Variants in UNC5C observed in about 807,000 individuals in gnomAD.
UNC5C encodes netrin receptor UNC5C.
Under a neutral mutation model 99.8 loss-of-function variants are expected in UNC5C, and 47 were observed. The ratio of observed to expected loss-of-function variants is 0.47; its 90% CI spans 0.37 to 0.60. The LOEUF (loss-of-function observed/expected upper bound fraction) is 0.60, where lower values mean the gene tolerates loss of function less well. Among genes scored for constraint, UNC5C ranks in the 20% least tolerant of loss-of-function variants. The pLI is 0.00. For synonymous variants in UNC5C, 487 were observed against 452.2 expected (o/e 1.08, Z -0.98); for missense variants, 1,062 against 1,165.9 (o/e 0.91, Z 1.30).
chr4:95,186,275 G>A (rs376581228), intron 12 of UNC5C, among the ~76,000 whole-genome samples: 2 of 152,220 alleles, frequency 1.3e-5, no homozygotes, highest in South Asian at 2.1e-4. Flanking sequence ...TTTCTTTGGT[G>A]CTATTTCAAT....
At chr4:95,378,394 C>T (rs1396841215) in intron 1 of UNC5C, among the ~76,000 whole-genome samples, 9 of 112,964 alleles carry the variant, frequency 8.0e-5, no homozygotes, top group African/African-American at 3.1e-4. Flanking sequence ...AGAAAGCCTA[C>T]GTAACTATCA....
intron 1 of UNC5C, among the ~76,000 whole-genome samples, chr4:95,538,478 T>C (rs1014013972): frequency 2.0e-5 from 3 of 152,208 alleles, no homozygotes; most frequent in African/African-American, 7.2e-5. Flanking sequence ...AAACTTGCAT[T>C]CAGCATTAAA....
intron 12 of UNC5C, among the ~76,000 whole-genome samples, chr4:95,189,882 C>T (rs1440424901): frequency 1.3e-5 from 2 of 152,202 alleles, no homozygotes; most frequent in Admixed American, 6.5e-5. Context: ...AACACTTTTA[C>T]ACTGTTGGTG....
At chr4:95,388,145 A>G (rs932492624) in intron 1 of UNC5C, among the ~76,000 whole-genome samples, 1 of 152,236 alleles carries the variant, frequency 6.6e-6, no homozygotes, top group Admixed American at 6.5e-5. Flanking sequence ...AGGATGATGT[A>G]AATTAAAAAA....
At chr4:95,184,976 T>G in intron 13 of UNC5C, 71 bp downstream of exon 13, 2 of 1,418,348 alleles carry the variant, frequency 1.4e-6, no homozygotes, top group Non-Finnish European at 1.9e-6. Context: ...GGGGATTTCC[T>G]ATGTCTATAT....
At chr4:95,176,950 C>T (rs1437609767) in intron 14 of UNC5C, among the ~76,000 whole-genome samples, 4 of 152,216 alleles carry the variant, frequency 2.6e-5, no homozygotes, top group East Asian at 1.9e-4. Context: ...CCTGGTGTGC[C>T]GTTTTTTAAG....
intron 1 of UNC5C, among the ~76,000 whole-genome samples, chr4:95,501,844 A>G (rs770936008): frequency 6.6e-6 from 1 of 152,308 alleles, no homozygotes; most frequent in East Asian, 1.9e-4. Context: ...GACCTCTTTC[A>G]TGTAAAACAG....
chr4:95,266,458 G>A (rs1469832999), intron 4 of UNC5C, among the ~76,000 whole-genome samples: 3 of 152,192 alleles, frequency 2.0e-5, no homozygotes, highest in Admixed American at 2.0e-4. Context: ...TAGGACTAGA[G>A]CATATTGACA....
chr4:95,455,303 A>C (rs1747396946), intron 1 of UNC5C, among the ~76,000 whole-genome samples: 1 of 152,086 alleles, frequency 6.6e-6, no homozygotes, highest in Non-Finnish European at 1.5e-5. Context: ...GTAAGGGGTT[A>C]TGTTGTTCCC....
chr4:95,385,075 G>C (rs933063271), intron 1 of UNC5C, among the ~76,000 whole-genome samples: 1 of 152,154 alleles, frequency 6.6e-6, no homozygotes, highest in Non-Finnish European at 1.5e-5. Context: ...AAATCCTCCA[G>C]ACTGAGGTGA....
chr4:95,356,121 T>A (rs1744177587), intron 1 of UNC5C, among the ~76,000 whole-genome samples: 1 of 144,708 alleles, frequency 6.9e-6, no homozygotes, highest in Non-Finnish European at 1.5e-5. Flanking sequence ...GCCCAGGAGT[T>A]AGAAGCTGCA....
At chr4:95,180,144 A>C (rs1736554845) in intron 14 of UNC5C, among the ~76,000 whole-genome samples, 2 of 152,218 alleles carry the variant, frequency 1.3e-5, no homozygotes, top group South Asian at 4.2e-4. Flanking sequence ...TTACTTACTA[A>C]CAAACATTCT....
At chr4:95,347,923 T>G (rs2149427452) in intron 1 of UNC5C, among the ~76,000 whole-genome samples, 1 of 151,928 alleles carries the variant, frequency 6.6e-6, no homozygotes, top group Admixed American at 6.6e-5. Context: ...TCACATCAGG[T>G]TGAAAAGCTT....
At chr4:95,374,036 C>A (rs1447744472) in intron 1 of UNC5C, among the ~76,000 whole-genome samples, 1 of 151,924 alleles carries the variant, frequency 6.6e-6, no homozygotes, top group Non-Finnish European at 1.5e-5. Context: ...AGTTGACATA[C>A]CAACAAAAAA....
intron 1 of UNC5C, among the ~76,000 whole-genome samples, chr4:95,483,482 A>T (rs1260549911): frequency 6.6e-6 from 1 of 151,840 alleles, no homozygotes; most frequent in East Asian, 1.9e-4. Context: ...AATGTACTAC[A>T]ATTTTTGTAT....
intron 1 of UNC5C, among the ~76,000 whole-genome samples, chr4:95,364,166 CT>C (rs1259296146): frequency 6.6e-6 from 1 of 152,136 alleles, no homozygotes; most frequent in African/African-American, 2.4e-5. Context: ...GGTCTGAAGG[CT>C]GACAGGTTTG....
At chr4:95,245,192 A>G (rs367641438) in intron 5 of UNC5C, 48 bp from the exon 6 acceptor site, 432 of 1,555,720 alleles carry the variant, frequency 2.8e-4, no homozygotes, top group Admixed American at 5.0e-4. Context: ...GTGTGCATGC[A>G]CAACACACAT....
chr4:95,167,881 A>T lies in UNC5C; in HGVS notation c.*1353T>A, dbSNP rs374183762. ...ACTGATGAATGAGACTGGAGGCATC[A>T]CGGTGGAAGTTGAGCATTTCAGAAC... is the stretch of plus-strand genomic sequence containing the variant. On this transcript the variant is annotated 3_prime_UTR_variant, in exon 16 of 16. Coordinates refer to ENST00000453304, the MANE Select transcript of UNC5C (RefSeq NM_003728.4). The T allele has an allele frequency of 1.3e-5, 2 of 152,340 alleles. No homozygotes were observed. Among genetic ancestry groups the T allele is most frequent in the South Asian group, 4.2e-4 (2 of 4,818 alleles). 9.4% of individuals were successfully genotyped at this position (152,340 alleles called of 1,614,324 possible).
chr4:95,296,200 T>C (rs1037486556), intron 3 of UNC5C, among the ~76,000 whole-genome samples: 7 of 152,222 alleles, frequency 4.6e-5, no homozygotes, highest in African/African-American at 1.7e-4. Context: ...TCAACCTTTT[T>C]TGTTCTCATT....
Sources: gnomAD v4.1 joint callset for allele counts (sites outside exome capture counted in the v4.1 genomes callset) on GRCh38, gnomAD v4.1.1 for gene constraint, MANE v1.5 for transcripts, NCBI Gene and HGNC (gene_info 2026-07-23, HGNC 2026-07-21) for gene names.